The following SLC12A6 variants were observed in gnomAD, a reference collection of about 807,000 sequenced individuals.
SLC12A6 encodes solute carrier family 12 member 6.
SLC12A6 carries 66 observed loss-of-function variants against 135.3 expected under a neutral mutation model. That is an observed-to-expected ratio of 0.49 (90% confidence interval 0.40 to 0.60). The LOEUF is 0.60. Among genes scored for constraint, SLC12A6 ranks in the 20% least tolerant of loss-of-function variants. The probability of loss-of-function intolerance (pLI) is 0.00; values close to 1 mark genes in which losing one functional copy is unlikely to be tolerated. For missense variants in SLC12A6, 1,058 were observed against 1,452.3 expected, an observed-to-expected ratio of 0.73 and a Z score of 4.41; for synonymous variants, 513 against 508.8, an observed-to-expected ratio of 1.01 and a Z score of -0.11.
chr15:34,253,814 A>G (rs1892555059), intron 9 of SLC12A6, among the ~76,000 whole-genome samples: 1 of 152,186 alleles, frequency 6.6e-6, no homozygotes, highest in Non-Finnish European at 1.5e-5. Context: ...ATCCATTACT[A>G]CTTCAAAAAA....
intron 2 of SLC12A6, among the ~76,000 whole-genome samples, chr15:34,286,176 CAA>C (rs1895065602): frequency 6.6e-6 from 1 of 151,906 alleles, no homozygotes; most frequent in Non-Finnish European, 1.5e-5. Context: ...CGGGTTCAAG[CAA>C]TTCTCCTGAC....
chr15:34,257,698 C>A lies in SLC12A6; in HGVS notation c.634G>T (p.Val212Leu). 2 of 1,612,878 alleles carry A rather than the reference C, an allele frequency of 1.2e-6. No homozygotes were observed. Among genetic ancestry groups the A allele is most frequent in the Non-Finnish European group, 1.7e-6 (2 of 1,178,958 alleles). Residue 212 changes from valine (V) to leucine (L), a missense_variant, in exon 6 of 26, where the codon GTG becomes TTG. By Grantham distance (32) the Val-to-Leu change is conservative. Transcript: ENST00000354181. ...VILFLRLTWV[V>L]GTAGVLQAFA... is the part of the protein sequence containing the mutation. ...GCCTGAAGAACTCCAGCTGTGCCCACCACCCATGTAAGGCGTAAAAAAAGG... is the reference window on the plus strand; with the variant it reads ...GCCTGAAGAACTCCAGCTGTGCCCAACACCCATGTAAGGCGTAAAAAAAGG...
chr15:34,292,779 T>C (rs1400367269), intron 2 of SLC12A6, among the ~76,000 whole-genome samples: 1 of 152,184 alleles, frequency 6.6e-6, no homozygotes, highest in African/African-American at 2.4e-5. Context: ...ACTGCTGTGC[T>C]AGCAGCTAGC....
At chr15:34,247,520 G>GA (rs574135788) in intron 13 of SLC12A6, among the ~76,000 whole-genome samples, 26 of 144,730 alleles carry the variant, frequency 1.8e-4, no homozygotes, top group Admixed American at 3.4e-4. Flanking sequence ...CCATCTAGGG[G>GA]AAAAAAAAAA....
intron 2 of SLC12A6, among the ~76,000 whole-genome samples, chr15:34,323,062 G>A (rs1018939681): frequency 7.4e-5 from 11 of 149,302 alleles, no homozygotes; most frequent in African/African-American, 2.8e-4. Context: ...AAAATACAAT[G>A]GACACCATTA....
chr15:34,314,755 C>T (rs1888512626), intron 2 of SLC12A6: 1 of 152,108 alleles, frequency 6.6e-6, no homozygotes, highest in South Asian at 2.1e-4. Context: ...GTATTTACAA[C>T]TAACTGATCA....
At chr15:34,244,214 T>C in intron 15 of SLC12A6, 142 bp from the exon 16 acceptor site, 2 of 677,216 alleles carry the variant, frequency 3.0e-6, no homozygotes, top group South Asian at 1.6e-5. Context: ...AACTTAAACC[T>C]CTCCCCACAA....
chr15:34,304,265 C>T (rs911520895), intron 2 of SLC12A6, among the ~76,000 whole-genome samples: 2 of 151,968 alleles, frequency 1.3e-5, no homozygotes, highest in African/African-American at 2.4e-5. Context: ...TTTTTATTGC[C>T]AAATAATATT....
At chr15:34,288,265 T>C (rs1384953191) in intron 2 of SLC12A6, among the ~76,000 whole-genome samples, 1 of 152,256 alleles carries the variant, frequency 6.6e-6, no homozygotes, top group African/African-American at 2.4e-5. Flanking sequence ...ATTGCTTTTG[T>C]CAGGTTTGTC....
chr15:34,336,937 T>C (rs544077917), intron 1 of SLC12A6, 185 bp from the exon 2 acceptor site: 3 of 516,582 alleles, frequency 5.8e-6, no homozygotes, highest in South Asian at 4.2e-5. Context: ...GACAAAACAA[T>C]GCCAATCTTG....
At chr15:34,320,254 T>C (rs1888972643) in intron 2 of SLC12A6, among the ~76,000 whole-genome samples, 1 of 152,182 alleles carries the variant, frequency 6.6e-6, no homozygotes, top group Admixed American at 6.5e-5. Context: ...TAAGTGCCCA[T>C]TAACACATGA....
Position 34,257,699 on chromosome 15 carries a change from C to A in SLC12A6, c.633G>T (p.Val211=), listed in dbSNP as rs1391859632. 1.2e-6 allele frequency: 2 copies of A among 1,612,692 alleles called. No individual in the cohort carries two copies. Among genetic ancestry groups the A allele is most frequent in the African/African-American group, 2.7e-5 (2 of 74,866 alleles). ...GVILFLRLTW[V]VGTAGVLQAF... ...CCTGAAGAACTCCAGCTGTGCCCAC[C>A]ACCCATGTAAGGCGTAAAAAAAGGA... Residue 211 remains valine (V), a synonymous_variant, in exon 6 of 26, where the codon GTG becomes GTT. Transcript: ENST00000354181.
Position 34,232,308 on chromosome 15 carries a change from A to G in SLC12A6, c.*1573T>C, listed in dbSNP as rs1281430256. 2 of 152,042 alleles carry G rather than the reference A, an allele frequency of 1.3e-5. No individual in the cohort carries two copies. Among genetic ancestry groups the G allele is most frequent in the African/African-American group, 4.8e-5 (2 of 41,382 alleles). 9.4% of individuals were successfully genotyped at this position (152,042 alleles called of 1,614,324 possible). Reference sequence around the variant, plus strand: ...AGAGGTGCAATCCTGGCTCACTGCAACCTCCGCCTCCTGGGTTCAAATGAT... The same window carrying G: ...AGAGGTGCAATCCTGGCTCACTGCAGCCTCCGCCTCCTGGGTTCAAATGAT... On this transcript the variant is annotated 3_prime_UTR_variant, in exon 26 of 26. Transcript: ENST00000354181.
chr15:34,260,458 C>A (rs1238989129), intron 4 of SLC12A6, among the ~76,000 whole-genome samples: 3 of 151,528 alleles, frequency 2.0e-5, no homozygotes, highest in Non-Finnish European at 4.4e-5. Flanking sequence ...CGGGGTTTCA[C>A]CGTGTCAGCC....
chr15:34,285,713 T>TATACACACACACACACACACACACACA (rs776596338), intron 2 of SLC12A6, among the ~76,000 whole-genome samples: 4,087 of 45,018 alleles, frequency 0.091, 241 homozygotes, highest in African/African-American at 0.22. Context: ...TGTGTGTGTG[T>TATACACACACACACACACACACACACA]TTGTCATACA....
chr15:34,249,070 G>A (rs1351192623), intron 13 of SLC12A6, among the ~76,000 whole-genome samples: 1 of 152,176 alleles, frequency 6.6e-6, no homozygotes, highest in Non-Finnish European at 1.5e-5. Context: ...CTCTGAAGCA[G>A]GGAGGTTTGT....
intron 2 of SLC12A6, among the ~76,000 whole-genome samples, chr15:34,286,927 A>G (rs1895122909): frequency 6.6e-6 from 1 of 152,172 alleles, no homozygotes; most frequent in Non-Finnish European, 1.5e-5. Context: ...AGCTACAGAA[A>G]TTACTTATAA....
rs969264257 is a variant in SLC12A6 at position 34,337,391 on chromosome 15, A to G, written c.-132T>C. 1.3e-5 allele frequency: 2 copies of G among 153,834 alleles called. No homozygotes were observed. The highest frequency in any genetic ancestry group is 4.8e-5 in the African/African-American group (2 of 41,458). 9.5% of individuals were successfully genotyped at this position (153,834 alleles called of 1,614,324 possible). A position where few individuals can be genotyped will look rare whatever the true frequency, so the allele number is the denominator to read the frequency against. ...GGGGCAGAGCGGATTCCTGTCTCCG[A>G]GAGGTCGGTGGGGGTGGCGCGCCCG... is the stretch of plus-strand genomic sequence containing the variant. On this transcript the variant is annotated 5_prime_UTR_variant, in exon 1 of 26. Coordinates refer to ENST00000354181, the MANE Select transcript of SLC12A6 (RefSeq NM_001365088.1).
intron 3 of SLC12A6, among the ~76,000 whole-genome samples, chr15:34,264,729 T>C (rs930392062): frequency 6.6e-6 from 1 of 152,046 alleles, no homozygotes; most frequent in African/African-American, 2.4e-5. Context: ...TAGGGAAAAA[T>C]TAGGTAGGGT....
Sources: gnomAD v4.1 joint callset for allele counts (sites outside exome capture counted in the v4.1 genomes callset) on GRCh38, gnomAD v4.1.1 for gene constraint, MANE v1.5 for transcripts, NCBI Gene and HGNC (gene_info 2026-07-23, HGNC 2026-07-21) for gene names.